The following DTNB variants were observed in gnomAD, a reference collection of about 807,000 sequenced individuals.
DTNB encodes DTN-B.
A neutral mutation model predicts 90.7 loss-of-function variants in DTNB; 63 were observed. That is an observed-to-expected ratio of 0.69 (90% CI 0.57 to 0.86). The LOEUF (loss-of-function observed/expected upper bound fraction) is 0.86, where lower values mean the gene tolerates loss of function less well. DTNB is among the 40% of genes least tolerant of loss of function. The probability of loss-of-function intolerance (pLI) is 0.00; values close to 1 mark genes in which losing one functional copy is unlikely to be tolerated. For missense variants in DTNB, 744 were observed against 807.1 expected (o/e 0.92, Z 0.95); for synonymous variants, 277 against 286.7 (o/e 0.97, Z 0.34).
intron 9 of DTNB, 145 bp downstream of exon 9, chr2:25,531,328 C>T: frequency 7.7e-7 from 1 of 1,300,974 alleles, no homozygotes; most frequent in Non-Finnish European, 1.0e-6. Context: ...GAGAAGAAAG[C>T]TTGAAGTCTT....
At chr2:25,550,182 G>A (rs1432976689) in intron 8 of DTNB, among the ~76,000 whole-genome samples, 3 of 152,110 alleles carry the variant, frequency 2.0e-5, no homozygotes, top group Admixed American at 6.5e-5. Context: ...ACGAGGTCAG[G>A]AGATCGAGAC....
chr2:25,531,673 T>C (rs2078231285), intron 8 of DTNB, 76 bp from the exon 9 acceptor site: 1 of 1,532,298 alleles, frequency 6.5e-7, no homozygotes, highest in Non-Finnish European at 8.7e-7. Flanking sequence ...AAAAAAACTT[T>C]GTGACAAGAG....
chr2:25,488,028 A>C (rs1429414790), intron 9 of DTNB, among the ~76,000 whole-genome samples: 1 of 152,154 alleles, frequency 6.6e-6, no homozygotes. Flanking sequence ...ATCCTCTGAA[A>C]AGCTTTCTGT....
chr2:25,604,757 T>A (rs1340088461), intron 5 of DTNB, among the ~76,000 whole-genome samples: 1 of 151,988 alleles, frequency 6.6e-6, no homozygotes, highest in East Asian at 1.9e-4. Flanking sequence ...GCCCAGCTAA[T>A]TTTTGTATTT....
intron 8 of DTNB, among the ~76,000 whole-genome samples, chr2:25,532,994 A>G (rs1259180249): frequency 1.3e-5 from 2 of 152,170 alleles, no homozygotes; most frequent in Non-Finnish European, 1.5e-5. Context: ...ATTGGCTCCA[A>G]ATCACCTTCT....
chr2:25,628,838 T>C lies in DTNB; in HGVS notation c.149-454A>G, dbSNP rs547305881. 3.9e-5 allele frequency among the ~76,000 whole-genome samples: 6 copies of C among 152,302 alleles called. No homozygotes were observed. The South Asian group carries it at 1.0e-3, about 26-fold the overall frequency. ...AAAGAGAGAGACAAATACAACTGCATTAAGTAAAATATTAATATGCTTTAG... is the reference window on the plus strand; with the variant it reads ...AAAGAGAGAGACAAATACAACTGCACTAAGTAAAATATTAATATGCTTTAG... On this transcript the variant is annotated intron_variant, in intron 3 of 20. Coordinates refer to ENST00000406818, the MANE Select transcript of DTNB (RefSeq NM_021907.5).
chr2:25,585,111 CCTT>C (rs1422514215), intron 6 of DTNB, among the ~76,000 whole-genome samples: 2 of 152,158 alleles, frequency 1.3e-5, no homozygotes, highest in East Asian at 1.9e-4. Context: ...TTGCATTTCT[CCTT>C]ATTTTTAAGA....
intron 9 of DTNB, among the ~76,000 whole-genome samples, chr2:25,488,616 T>C (rs2066700866): frequency 6.6e-6 from 1 of 152,152 alleles, no homozygotes; most frequent in African/African-American, 2.4e-5. Flanking sequence ...TACCTGGTCA[T>C]TTCAGTATTC....
At chr2:25,643,508 TCTG>T (rs2078800507) in intron 2 of DTNB, among the ~76,000 whole-genome samples, 1 of 152,198 alleles carries the variant, frequency 6.6e-6, no homozygotes. Context: ...TGCAAAAAAC[TCTG>T]ATCTACTTTC....
In DTNB at chr2:25,567,049, G is replaced by C. The variant is rs563650674; in HGVS notation, c.876+9789C>G. On this transcript the variant is annotated intron_variant, in intron 8 of 20. Transcript: ENST00000406818. The stretch of plus-strand genomic sequence containing the variant: ...CCAGCCTCAGCAGTTTCTTTGAGAA[G>C]AGGTGGCCATTGGGTTAAAGGACTT... Among the ~76,000 whole-genome samples, 55 of 152,332 alleles carry C rather than the reference G, an allele frequency of 3.6e-4. No homozygotes were observed. In the South Asian group the frequency reaches 0.011, roughly 30 times the overall value.
intron 4 of DTNB, among the ~76,000 whole-genome samples, chr2:25,612,306 AAG>A (rs767287820): frequency 1.3e-5 from 2 of 152,166 alleles, no homozygotes; most frequent in African/African-American, 2.4e-5. Context: ...TATGTTAAAA[AAG>A]AGAGAGAAAA....
chr2:25,576,242 T>TTTTTTC (rs1553551298), intron 8 of DTNB, among the ~76,000 whole-genome samples: 2 of 146,092 alleles, frequency 1.4e-5, no homozygotes, highest in African/African-American at 5.2e-5. Context: ...TTTTTTTTTT[T>TTTTTTC]TGAGACAGAG....
intron 1 of DTNB, among the ~76,000 whole-genome samples, chr2:25,658,375 A>T (rs2082490176): frequency 6.6e-6 from 1 of 152,216 alleles, no homozygotes; most frequent in Non-Finnish European, 1.5e-5. Context: ...AGTTTCTTAT[A>T]AAGCTAATCA....
chr2:25,643,634 T>C (rs2078826108), intron 2 of DTNB, among the ~76,000 whole-genome samples: 1 of 152,214 alleles, frequency 6.6e-6, no homozygotes, highest in Non-Finnish European at 1.5e-5. Context: ...AGCCACCTCC[T>C]TTTAGTATTC....
chr2:25,610,820 G>A (rs1053428680), intron 4 of DTNB, among the ~76,000 whole-genome samples: 7 of 151,446 alleles, frequency 4.6e-5, no homozygotes, highest in Non-Finnish European at 7.4e-5. Flanking sequence ...AGTGATTCTC[G>A]TGCCTTAGCC....
intron 8 of DTNB, among the ~76,000 whole-genome samples, chr2:25,574,586 T>C (rs571031846): frequency 6.6e-6 from 1 of 152,334 alleles, no homozygotes; most frequent in South Asian, 2.1e-4. Flanking sequence ...TAGAAACATT[T>C]GTTCAAAACG....
chr2:25,570,399 C>T, intron 8 of DTNB, among the ~76,000 whole-genome samples: 1 of 101,246 alleles, frequency 9.9e-6, no homozygotes, highest in Non-Finnish European at 1.8e-5. Context: ...AGAGTGGTTT[C>T]CTGTCTCAAA....
chr2:25,441,792 C>A (rs2150050645), intron 12 of DTNB, among the ~76,000 whole-genome samples: 1 of 116,374 alleles, frequency 8.6e-6, no homozygotes, highest in East Asian at 2.4e-4. Flanking sequence ...AAACCTGAAT[C>A]CTAAGGAAGA....
intron 9 of DTNB, among the ~76,000 whole-genome samples, chr2:25,498,090 A>G (rs1272152792): frequency 6.6e-6 from 1 of 152,106 alleles, no homozygotes; most frequent in African/African-American, 2.4e-5. Flanking sequence ...CCTCATTGTC[A>G]CCACTTCTCC....
Sources: allele counts gnomAD v4.1 joint callset (sites outside exome capture counted in the v4.1 genomes callset), GRCh38; gene constraint gnomAD v4.1.1; transcripts MANE v1.5; gene names NCBI Gene and HGNC (gene_info 2026-07-23, HGNC 2026-07-21).